The following ADRA1A variants were observed in gnomAD, a reference collection of about 807,000 sequenced individuals.
The protein encoded by ADRA1A is alpha-1A adrenergic receptor.
A neutral mutation model predicts 29.6 loss-of-function variants in ADRA1A; 31 were observed. The observed-to-expected ratio is 1.05, with a 90% CI of 0.79 to 1.41. The LOEUF (loss-of-function observed/expected upper bound fraction) is 1.41. ADRA1A is among the 40% of genes most tolerant of loss of function. The probability of loss-of-function intolerance (pLI) is 0.00; values close to 1 mark genes in which losing one functional copy is unlikely to be tolerated. For synonymous variants in ADRA1A, 311 were observed against 254.3 expected (o/e 1.22, Z -2.12); for missense variants, 619 against 601.1 (o/e 1.03, Z -0.31).
chr8:26,791,116 G>A (rs1293625700), intron 2 of ADRA1A, among the ~76,000 whole-genome samples: 1 of 152,070 alleles, frequency 6.6e-6, no homozygotes, highest in Non-Finnish European at 1.5e-5. Flanking sequence ...CAGCCTTTAT[G>A]TAATATGTCA....
intron 2 of ADRA1A, among the ~76,000 whole-genome samples, chr8:26,793,381 G>A (rs1807968291): frequency 6.6e-6 from 1 of 151,878 alleles, no homozygotes; most frequent in African/African-American, 2.4e-5. Flanking sequence ...ATTCTCCTCT[G>A]TGAAGTCTTA....
chr8:26,789,397 A>C (rs1007379251), intron 2 of ADRA1A, among the ~76,000 whole-genome samples: 2 of 152,212 alleles, frequency 1.3e-5, no homozygotes, highest in Non-Finnish European at 2.9e-5. Context: ...GCTGCCAAGA[A>C]CATACAGTGG....
chr8:26,848,046 G>C lies in ADRA1A; in HGVS notation c.883+16041C>G, dbSNP rs1304227939. Among the ~76,000 whole-genome samples, 1 of 152,198 alleles carries C rather than the reference G, an allele frequency of 6.6e-6. No homozygotes were observed. The highest frequency in any genetic ancestry group is 1.5e-5 in the Non-Finnish European group (1 of 68,020). ...CCCTCTCCTACAGATGAGGACACCA[G>C]AGTGCAGAGCAAAGGGCAGGACCAC... On this transcript the variant is annotated intron_variant, in intron 2 of 2. Transcript: ENST00000380573. This position sits in a 1 kb window ranked among gnomAD's most constrained non-coding sequence, Gnocchi z 4.3.
At chr8:26,791,452 G>T (rs1767849077) in intron 2 of ADRA1A, among the ~76,000 whole-genome samples, 1 of 152,098 alleles carries the variant, frequency 6.6e-6, no homozygotes, top group Non-Finnish European at 1.5e-5. Context: ...TGACAGTATG[G>T]CGATGATGAT....
At chr8:26,786,748 G>GGC (rs958514348) in intron 2 of ADRA1A, among the ~76,000 whole-genome samples, 1 of 151,446 alleles carries the variant, frequency 6.6e-6, no homozygotes, top group African/African-American at 2.4e-5. Context: ...CTGGGTTGGG[G>GGC]GGGGGGGTCT....
chr8:26,798,870 A>G (rs1056756070), intron 2 of ADRA1A, among the ~76,000 whole-genome samples: 3 of 152,174 alleles, frequency 2.0e-5, no homozygotes, highest in Admixed American at 2.0e-4. Context: ...CCTCTATAGT[A>G]TTACCAACAT....
In ADRA1A at chr8:26,864,224, G is replaced by A; in HGVS notation, c.746C>T (p.Ala249Val). 1 of 1,614,182 alleles carries A rather than the reference G, an allele frequency of 6.2e-7. No homozygotes were observed. Among genetic ancestry groups the A allele is most frequent in the South Asian group, 1.1e-5 (1 of 91,086 alleles). Residue 249 changes from alanine to valine, a missense_variant, in exon 2 of 3, where the codon GCC (alanine) becomes GTC (valine). Transcript: ENST00000380573. The surrounding 1 kb of genome is among the most constrained non-coding windows in gnomAD (Gnocchi z 8.1). The stretch of plus-strand genomic sequence containing the variant: ...GAAGTGCGTCTTGGTCTTGGCGCTG[G>A]CCATCCCGCTGCCTCCTGCCGGGGC... ...KNAPAGGSGM[A>V]SAKTKTHFSV...
At chr8:26,780,275 G>T (rs1162605396) in intron 2 of ADRA1A, among the ~76,000 whole-genome samples, 1 of 152,128 alleles carries the variant, frequency 6.6e-6, no homozygotes, top group African/African-American at 2.4e-5. Context: ...CCTTCTATGA[G>T]TGTCTCCAAC....
chr8:26,829,961 G>T (rs565145720), intron 2 of ADRA1A, among the ~76,000 whole-genome samples: 9 of 151,922 alleles, frequency 5.9e-5, no homozygotes, highest in Non-Finnish European at 2.9e-5. Context: ...GTGTGTCTGG[G>T]GGGTGGGGGT....
intron 2 of ADRA1A, among the ~76,000 whole-genome samples, chr8:26,774,192 A>T (rs1021221132): frequency 1.3e-5 from 2 of 152,158 alleles, no homozygotes; most frequent in Non-Finnish European, 2.9e-5. Flanking sequence ...CATGCTCCCA[A>T]ACTGATAGTT....
At chr8:26,797,072 G>A (rs1808238541) in intron 2 of ADRA1A, among the ~76,000 whole-genome samples, 1 of 152,108 alleles carries the variant, frequency 6.6e-6, no homozygotes, top group Non-Finnish European at 1.5e-5. Flanking sequence ...TTGTGAGAGT[G>A]GAGTGAAATG....
chr8:26,756,598 A>C, exon 3 of ADRA1A: 1 of 1,555,968 alleles, frequency 6.4e-7, no homozygotes. Flanking sequence ...TTTGTGCCTT[A>C]GTCAGATGGA....
At chr8:26,847,166 A>G (rs1424229421) in intron 2 of ADRA1A, among the ~76,000 whole-genome samples, 1 of 152,172 alleles carries the variant, frequency 6.6e-6, no homozygotes, top group Non-Finnish European at 1.5e-5. Flanking sequence ...ACATGTATAC[A>G]TATGTAACTA....
At chr8:26,749,864 C>T (rs997546735) in intron 2 of ADRA1A, among the ~76,000 whole-genome samples, 13 of 152,190 alleles carry the variant, frequency 8.5e-5, no homozygotes, top group Non-Finnish European at 1.3e-4. Context: ...CATTGCTTTA[C>T]GATCAGGGCC....
chr8:26,854,997 G>A (rs185927855), intron 2 of ADRA1A, among the ~76,000 whole-genome samples: 3 of 152,294 alleles, frequency 2.0e-5, no homozygotes, highest in Non-Finnish European at 2.9e-5. Context: ...GTCTTCTTCA[G>A]ACACTAAATC....
At chr8:26,838,730 CAAA>C (rs1811573997) in intron 2 of ADRA1A, among the ~76,000 whole-genome samples, 1 of 152,166 alleles carries the variant, frequency 6.6e-6, no homozygotes, top group Non-Finnish European at 1.5e-5. Flanking sequence ...CCATTACTAT[CAAA>C]AAAGTGGTAG....
rs61757012 is a variant in ADRA1A, at chr8:26,865,044, G to A, written c.-75C>T. The A allele has an allele frequency of 1.2e-5, 18 of 1,518,424 alleles. No individual in the cohort carries two copies. Among genetic ancestry groups the A allele is most frequent in the Non-Finnish European group, 1.5e-5 (17 of 1,142,746 alleles). The allele number at this position is 1,518,424 out of a possible 1,614,324, so 94.1% of individuals were successfully genotyped here. ...GGCTGGCGCGGAGGCGGGAGCGCGGGAGCCGGGAATCAAAAGGTCTCGGCT... is the reference window on the plus strand; with the variant it reads ...GGCTGGCGCGGAGGCGGGAGCGCGGAAGCCGGGAATCAAAAGGTCTCGGCT... On this transcript the variant is annotated 5_prime_UTR_variant, in exon 2 of 3. Coordinates refer to ENST00000380573, the MANE Select transcript of ADRA1A (RefSeq NM_000680.4). The surrounding 1 kb of genome is among the most constrained non-coding windows in gnomAD (Gnocchi z 7.6).
At chr8:26,764,945 C>T (rs13270252), downstream of ADRA1A, among the ~76,000 whole-genome samples, 16,934 of 152,116 alleles carry the variant, frequency 0.11, 1,449 homozygotes, top group East Asian at 0.33. Context: ...CAGTTTATAA[C>T]GTGGCTGCAC....
At chr8:26,836,930 A>C (rs1424897813) in intron 2 of ADRA1A, among the ~76,000 whole-genome samples, 1 of 152,098 alleles carries the variant, frequency 6.6e-6, no homozygotes, top group Admixed American at 6.5e-5. Flanking sequence ...AGCTGAGAGA[A>C]GGGCAAACGA....
Sources: gnomAD v4.1 joint callset for allele counts (sites outside exome capture counted in the v4.1 genomes callset) on GRCh38, gnomAD v4.1.1 for gene constraint, Gnocchi (gnomAD v3.1) non-coding constraint, MANE v1.5 for transcripts, NCBI Gene and HGNC (gene_info 2026-07-23, HGNC 2026-07-21) for gene names.